The following SPIC variants were observed in gnomAD, a reference collection of about 807,000 sequenced individuals.
The protein encoded by SPIC is Spi-C transcription factor.
SPIC carries 9 observed loss-of-function variants against 16.7 expected under a neutral mutation model. That is an observed-to-expected ratio of 0.54 (90% CI 0.33 to 0.94). The LOEUF is 0.94. Among genes scored for constraint, SPIC ranks in the 40% least tolerant of loss-of-function variants. The pLI, the probability that SPIC is intolerant of heterozygous loss-of-function variation, is 0.03. For synonymous variants in SPIC, 97 were observed against 102.9 expected, an observed-to-expected ratio of 0.94 and a Z score of 0.35; for missense variants, 241 against 285.8, an observed-to-expected ratio of 0.84 and a Z score of 1.13.
rs1555208975 is a variant in SPIC, at chr12:101,479,227, A to AGAAAGAAG, written c.98-348_98-347insGGAAAGAA. Among the ~76,000 whole-genome samples, 222 of 110,710 alleles carry AGAAAGAAG rather than the reference A, an allele frequency of 2.0e-3. 5 individuals carry two copies. Among genetic ancestry groups the AGAAAGAAG allele is most frequent in the East Asian group, 2.4e-3 (10 of 4,208 alleles). The allele number at this position is 110,710 out of a possible 152,430, so 72.6% of individuals were successfully genotyped here. A position where few individuals can be genotyped will look rare whatever the true frequency, so the allele number is the denominator to read the frequency against. On this transcript the variant is annotated intron_variant, in intron 3 of 5. Coordinates refer to ENST00000551346, the MANE Select transcript of SPIC (RefSeq NM_152323.3). The stretch of plus-strand genomic sequence containing the variant: ...AAGAAAGAAAGAAAGAAAGAAGGAA[A>AGAAAGAAG]GAAAGAAAGAAAGAAAAAGAAAGAA...
At chr12:101,482,769 A>C (rs1873244848) in intron 4 of SPIC, 23 bp from the exon 5 acceptor site, 1 of 1,591,374 alleles carries the variant, frequency 6.3e-7, no homozygotes, top group Non-Finnish European at 8.6e-7. Context: ...CTCACTTAAC[A>C]TCCTGCTTCA....
rs537842158 is a variant in SPIC, at chr12:101,477,292, T to G, written c.4-266T>G. Among the ~76,000 whole-genome samples, 9 of 152,318 alleles carry G rather than the reference T, an allele frequency of 5.9e-5. No individual in the cohort carries two copies. In the South Asian group the frequency reaches 1.9e-3, roughly 32 times the overall value. On this transcript the variant is annotated intron_variant, in intron 2 of 5. Coordinates refer to ENST00000551346, the MANE Select transcript of SPIC (RefSeq NM_152323.3). Reference sequence around the variant, plus strand: ...TTTCAACTGTGATTGATTTTGTGCCTCAGGGTACATTTGGTGATGTCGGAA... The same window carrying G: ...TTTCAACTGTGATTGATTTTGTGCCGCAGGGTACATTTGGTGATGTCGGAA...
chr12:101,482,099 G>A (rs949751507), intron 4 of SPIC, among the ~76,000 whole-genome samples: 1 of 149,732 alleles, frequency 6.7e-6, no homozygotes, highest in Admixed American at 6.6e-5. Context: ...AAAATTAGCC[G>A]GGCATGGTGG....
rs745633220 is a variant in SPIC at position 101,482,905 on chromosome 12, G to A, written c.319+5G>A. 4 of 1,611,510 alleles carry A rather than the reference G, an allele frequency of 2.5e-6. No individual in the cohort carries two copies. The highest frequency in any genetic ancestry group is 1.3e-5 in the African/African-American group (1 of 74,874). Reference sequence around the variant, plus strand: ...TCCAGCAAAAGGGGGGAAAAGGTACGTTGATCCATCATTCGTTATACAGGT... The same window carrying A: ...TCCAGCAAAAGGGGGGAAAAGGTACATTGATCCATCATTCGTTATACAGGT... On this transcript the variant is annotated splice_donor_5th_base_variant and intron_variant, in intron 5 of 5. Transcript: ENST00000551346.
At chr12:101,485,294 CT>C (rs969261364) in intron 5 of SPIC, among the ~76,000 whole-genome samples, 1 of 152,208 alleles carries the variant, frequency 6.6e-6, no homozygotes, top group African/African-American at 2.4e-5. Flanking sequence ...TGGGCTGTCA[CT>C]TTTGTTCTCA....
chr12:101,482,449 TTTC>T (rs1466892204), intron 4 of SPIC, among the ~76,000 whole-genome samples: 1 of 152,198 alleles, frequency 6.6e-6, no homozygotes, highest in Admixed American at 6.5e-5. Context: ...ACATCTTTCT[TTTC>T]TTATCTCCCC....
At chr12:101,480,250 TA>T (rs1873146077) in intron 4 of SPIC, among the ~76,000 whole-genome samples, 1 of 152,212 alleles carries the variant, frequency 6.6e-6, no homozygotes. Context: ...GATGACTTCG[TA>T]AAAAGGAGGT....
At chr12:101,477,678 T>C in intron 3 of SPIC, 27 bp downstream of exon 3, 3 of 1,574,848 alleles carry the variant, frequency 1.9e-6, no homozygotes, top group South Asian at 1.1e-5. Context: ...TACCCTCTTC[T>C]GCTGGTACAT....
intron 5 of SPIC, among the ~76,000 whole-genome samples, chr12:101,485,880 A>G (rs1873348947): frequency 6.6e-6 from 1 of 152,078 alleles, no homozygotes; most frequent in South Asian, 2.1e-4. Context: ...ACCTCAAATG[A>G]TTCTCCTGGG....
intron 3 of SPIC, among the ~76,000 whole-genome samples, chr12:101,479,337 A>AAG (rs1385686553): frequency 7.3e-5 from 11 of 149,782 alleles, no homozygotes; most frequent in Admixed American, 6.7e-5. Flanking sequence ...GAAAGAAAGA[A>AAG]AGAAAGAAAG....
At chr12:101,486,256 A>T (rs1873361346) in intron 5 of SPIC, 88 bp from the exon 6 acceptor site, 3 of 1,291,914 alleles carry the variant, frequency 2.3e-6, no homozygotes, top group Non-Finnish European at 2.1e-6. Context: ...TGCAGCTTTT[A>T]ATTCAGTAGT....
At position 101,479,292 on chromosome 12, in the gene SPIC, G is replaced by GAA. The variant is rs1565831298; in HGVS notation, c.98-288_98-287dup. ...AAAGAAAGAAAGAAAGAAAAAGAAA[G>GAA]AAAGAAAGAAAGAAAAAAGAAAGAA... On this transcript the variant is annotated intron_variant, in intron 3 of 5. Coordinates refer to ENST00000551346, the MANE Select transcript of SPIC (RefSeq NM_152323.3). 6.2e-3 allele frequency among the ~76,000 whole-genome samples: 261 copies of GAA among 41,834 alleles called. 20 individuals carry two copies. Among genetic ancestry groups the GAA allele is most frequent in the Middle Eastern group, 0.029 (2 of 70 alleles). 27.4% of individuals were successfully genotyped at this position (41,834 alleles called of 152,430 possible).
Position 101,479,709 on chromosome 12 carries a change from A to T in SPIC, c.210+15A>T. 1 of 1,574,928 alleles carries T rather than the reference A, an allele frequency of 6.3e-7. No homozygotes were observed. The highest frequency in any genetic ancestry group is 1.1e-5 in the South Asian group (1 of 89,640). On this transcript the variant is annotated intron_variant, in intron 4 of 5. Coordinates refer to ENST00000551346, the MANE Select transcript of SPIC (RefSeq NM_152323.3). ...GAACGGTAATTGTAAGTATCAGACC[A>T]TCCCTTAATAACAGGCAAATATCCT...
In SPIC at chr12:101,482,900, G is replaced by C. The variant is rs1873252282; in HGVS notation, c.319G>C (p.Gly107Arg). ...TCTTCTCCAGCAAAAGGGGGGAAAA[G>C]GTACGTTGATCCATCATTCGTTATA... ...PTLLQQKGGK[G>R]RKKLRLFEYL... The change falls in exon 5 of 6, where the codon GGC (glycine) becomes CGC (arginine). Residue 107 changes from glycine (G) to arginine (R), a missense_variant and splice_region_variant. By Grantham distance (125) the Gly-to-Arg change is moderately radical. Coordinates refer to ENST00000551346, the MANE Select transcript of SPIC (RefSeq NM_152323.3). 6.2e-7 allele frequency: 1 copy of C among 1,613,140 alleles called. No individual in the cohort carries two copies. The highest frequency in any genetic ancestry group is 8.5e-7 in the Non-Finnish European group (1 of 1,179,310).
chr12:101,481,961 G>A (rs1319131123), intron 4 of SPIC, among the ~76,000 whole-genome samples: 3 of 127,008 alleles, frequency 2.4e-5, no homozygotes, highest in Admixed American at 1.5e-4. Context: ...CGTACAAAAA[G>A]GCCAGGCACG....
At chr12:101,484,793 G>T (rs985382180) in intron 5 of SPIC, among the ~76,000 whole-genome samples, 1 of 145,088 alleles carries the variant, frequency 6.9e-6, no homozygotes, top group African/African-American at 2.5e-5. Flanking sequence ...GCTTGAACCC[G>T]GGAGGCAGAG....
chr12:101,483,763 G>A (rs576398795), intron 5 of SPIC, among the ~76,000 whole-genome samples: 21 of 151,716 alleles, frequency 1.4e-4, no homozygotes, highest in African/African-American at 3.9e-4. Context: ...CGCCTGGCCC[G>A]TTTTTTGTAT....
intron 4 of SPIC, among the ~76,000 whole-genome samples, chr12:101,481,193 T>C (rs1873185146): frequency 1.3e-5 from 1 of 75,362 alleles, no homozygotes. Flanking sequence ...TTGGCTGTCA[T>C]CTTTTTTTTT....
intron 3 of SPIC, among the ~76,000 whole-genome samples, chr12:101,479,340 A>AAAGAAAGAAAGAAAGG: frequency 6.7e-6 from 1 of 150,068 alleles, no homozygotes; most frequent in Non-Finnish European, 1.5e-5. Flanking sequence ...AGAAAGAAAG[A>AAAGAAAGAAAGAAAGG]AAGAAAGAAA....
Sources: gnomAD v4.1 joint callset for allele counts (sites outside exome capture counted in the v4.1 genomes callset) on GRCh38, gnomAD v4.1.1 for gene constraint, MANE v1.5 for transcripts, NCBI Gene and HGNC (gene_info 2026-07-23, HGNC 2026-07-21) for gene names.